The following CADPS2 variants were observed in gnomAD, a reference collection of about 807,000 sequenced individuals.
CADPS2 encodes the protein calcium dependent secretion activator 2.
In CADPS2, 93 loss-of-function variants were observed where a neutral mutation model predicts 172.5. That is an observed-to-expected ratio of 0.54 (90% confidence interval 0.46 to 0.64). CADPS2 has a LOEUF of 0.64. CADPS2 is among the 30% of genes least tolerant of loss of function. The probability of loss-of-function intolerance (pLI) is 0.00; values close to 1 mark genes in which losing one functional copy is unlikely to be tolerated. For synonymous variants in CADPS2, 546 were observed against 555.2 expected, an observed-to-expected ratio of 0.98 and a Z score of 0.23; for missense variants, 1,420 against 1,565.9, an observed-to-expected ratio of 0.91 and a Z score of 1.57.
intron 1 of CADPS2, among the ~76,000 whole-genome samples, chr7:122,786,678 G>C (rs1344647184): frequency 1.3e-5 from 2 of 152,076 alleles, no homozygotes; most frequent in Non-Finnish European, 2.9e-5. Context: ...TTTAAGACAG[G>C]AATACAACTA....
chr7:122,698,630 A>G, intron 2 of CADPS2: 1 of 1,614,056 alleles, frequency 6.2e-7, no homozygotes, highest in Non-Finnish European at 8.5e-7. Context: ...GTCTCTGAGT[A>G]CTTTGATCGG....
chr7:122,783,306 A>G (rs187897277), intron 1 of CADPS2, among the ~76,000 whole-genome samples: 12 of 152,020 alleles, frequency 7.9e-5, no homozygotes, highest in Non-Finnish European at 2.9e-5. Context: ...TATTTAATAT[A>G]ATAACTATTG....
At chr7:122,645,387 G>GTACATATACACACATATGTATA (rs2078277234) in intron 3 of CADPS2, among the ~76,000 whole-genome samples, 2 of 43,088 alleles carry the variant, frequency 4.6e-5, no homozygotes, top group South Asian at 7.8e-4. Flanking sequence ...ATATGTACAT[G>GTACATATACACACATATGTATA]TGTGTGTATA....
intron 24 of CADPS2, 27 bp downstream of exon 24, chr7:122,386,999 T>C (rs945726831): frequency 8.4e-6 from 13 of 1,550,060 alleles, no homozygotes; most frequent in African/African-American, 1.4e-5. Context: ...CTGTGCTGCC[T>C]TTCCCCATGT....
chr7:122,754,302 CTTTTG>C (rs917949493), intron 1 of CADPS2, among the ~76,000 whole-genome samples: 4 of 151,984 alleles, frequency 2.6e-5, no homozygotes, highest in Admixed American at 6.5e-5. Flanking sequence ...TCCACTTCTG[CTTTTG>C]TTTTATTTGT....
At chr7:122,358,164 C>T (rs1253789131) in intron 27 of CADPS2, among the ~76,000 whole-genome samples, 2 of 152,098 alleles carry the variant, frequency 1.3e-5, no homozygotes, top group Non-Finnish European at 2.9e-5. Flanking sequence ...TGGATTTTGG[C>T]CATTCTAACA....
chr7:122,708,811 T>C (rs2088118563), intron 2 of CADPS2, among the ~76,000 whole-genome samples: 1 of 151,626 alleles, frequency 6.6e-6, no homozygotes, highest in South Asian at 2.1e-4. Context: ...GTAATCAGAG[T>C]AGGAACTCAT....
chr7:122,461,224 A>AAAGATATAG (rs1437951569), intron 14 of CADPS2, among the ~76,000 whole-genome samples: 1 of 152,240 alleles, frequency 6.6e-6, no homozygotes, highest in Non-Finnish European at 1.5e-5. Flanking sequence ...AGAGACATTA[A>AAAGATATAG]AAGATATAGA....
intron 8 of CADPS2, among the ~76,000 whole-genome samples, chr7:122,546,892 T>G (rs1264191946): frequency 6.6e-6 from 1 of 152,126 alleles, no homozygotes; most frequent in Non-Finnish European, 1.5e-5. Context: ...AATATTTTCA[T>G]GAATTATTTT....
intron 28 of CADPS2, among the ~76,000 whole-genome samples, chr7:122,337,758 G>GA (rs372572074): frequency 0.29 from 39,131 of 134,352 alleles, 5,715 homozygotes; most frequent in East Asian, 0.47. Flanking sequence ...AAACTTTAAG[G>GA]AAAAAAAAAA....
chr7:122,456,746 C>T (rs1162541667), intron 14 of CADPS2, among the ~76,000 whole-genome samples: 4 of 152,212 alleles, frequency 2.6e-5, no homozygotes, highest in Admixed American at 1.3e-4. Context: ...CACACATGTA[C>T]ATCCCCCTGC....
In CADPS2 at chr7:122,614,424, A is replaced by G. The variant is rs561075411; in HGVS notation, c.1223+757T>C. Among the ~76,000 whole-genome samples the G allele has an allele frequency of 8.5e-5, 13 of 152,296 alleles. No individual in the cohort carries two copies. In the South Asian group the frequency reaches 2.7e-3, roughly 32 times the overall value. ...GAGGTTTCCTGAATGAACAGGTCAC[A>G]TATTGGTATTATAATAAGGCAAAAT... On this transcript the variant is annotated intron_variant, in intron 6 of 29. Transcript: ENST00000449022.
intron 2 of CADPS2, chr7:122,697,909 T>A (rs148425809): frequency 6.2e-7 from 1 of 1,613,870 alleles, no homozygotes; most frequent in Non-Finnish European, 8.5e-7. Flanking sequence ...AACTTCATTA[T>A]TTGTCTCCTC....
intron 7 of CADPS2, among the ~76,000 whole-genome samples, chr7:122,560,367 T>C (rs1422629012): frequency 6.6e-6 from 1 of 152,190 alleles, no homozygotes; most frequent in Non-Finnish European, 1.5e-5. Flanking sequence ...TGTGTTATCC[T>C]ATATAGGTAA....
At chr7:122,640,486 CACACAG>C (rs776426552) in intron 3 of CADPS2, among the ~76,000 whole-genome samples, 202 of 143,134 alleles carry the variant, frequency 1.4e-3, no homozygotes, top group Non-Finnish European at 2.4e-3. Flanking sequence ...CACACACACA[CACACAG>C]AGATAGAGAG....
chr7:122,791,190 C>G (rs1795213855), intron 1 of CADPS2, among the ~76,000 whole-genome samples: 1 of 152,152 alleles, frequency 6.6e-6, no homozygotes, highest in African/African-American at 2.4e-5. Flanking sequence ...CTGAAGTTCT[C>G]ATTTAGACAT....
At chr7:122,860,508 C>G (rs775571281) in intron 1 of CADPS2, among the ~76,000 whole-genome samples, 1 of 152,044 alleles carries the variant, frequency 6.6e-6, no homozygotes, top group Non-Finnish European at 1.5e-5. Flanking sequence ...GCTGTGATTA[C>G]CAGTGTGAGC....
At chr7:122,554,879 AAT>A (rs139964451) in intron 7 of CADPS2, among the ~76,000 whole-genome samples, 190 bp from the exon 8 acceptor site, 30,499 of 152,018 alleles carry the variant, frequency 0.2, 4,030 homozygotes, top group Non-Finnish European at 0.3. Flanking sequence ...TTTTTTGACA[AAT>A]ATGTGTTTTC....
At chr7:122,435,227 T>C (rs2050479720) in intron 17 of CADPS2, among the ~76,000 whole-genome samples, 1 of 152,112 alleles carries the variant, frequency 6.6e-6, no homozygotes, top group African/African-American at 2.4e-5. Context: ...ATGTACAGAA[T>C]GGGAGAAAAT....
Sources: gnomAD v4.1 joint callset for allele counts (sites outside exome capture counted in the v4.1 genomes callset) on GRCh38, gnomAD v4.1.1 for gene constraint, MANE v1.5 for transcripts, NCBI Gene and HGNC (gene_info 2026-07-23, HGNC 2026-07-21) for gene names.